RIT2: variants seen among roughly 807,000 people sequenced by gnomAD.
The protein encoded by RIT2 is Ras like without CAAX 2, also known as GTP-binding protein Rit2.
Under a neutral mutation model 23.7 loss-of-function variants are expected in RIT2, and 24 were observed. The ratio of observed to expected loss-of-function variants is 1.01; its 90% CI spans 0.73 to 1.43. The LOEUF is 1.43. Ranked by LOEUF, RIT2 falls within the 40% of genes most tolerant of loss-of-function variation. RIT2 has a pLI of 0.00. For synonymous variants in RIT2, 107 were observed against 91.1 expected, an observed-to-expected ratio of 1.17 and a Z score of -0.99; for missense variants, 236 against 266.9, an observed-to-expected ratio of 0.88 and a Z score of 0.81.
chr18:42,915,599 A>T lies in RIT2; in HGVS notation c.426+7973T>A, dbSNP rs1397581430. Among the ~76,000 whole-genome samples, 3 of 152,058 alleles carry T rather than the reference A, an allele frequency of 2.0e-5. No homozygotes were observed. The East Asian group carries it at 5.8e-4, about 29-fold the overall frequency. On this transcript the variant is annotated intron_variant, in intron 4 of 4. Coordinates refer to ENST00000326695, the MANE Select transcript of RIT2 (RefSeq NM_002930.4). ...TCAGTGTAAGACAATTTAAATAAAG[A>T]GGGAAAGCAAACAGTTACAATGTCA... is the stretch of plus-strand genomic sequence containing the variant.
intron 4 of RIT2, among the ~76,000 whole-genome samples, chr18:42,872,127 A>G (rs1907636045): frequency 6.6e-6 from 1 of 152,202 alleles, no homozygotes; most frequent in Non-Finnish European, 1.5e-5. Flanking sequence ...AAAAAAAATC[A>G]AAAAGGATTT....
chr18:43,068,506 A>G (rs901865115), intron 1 of RIT2, among the ~76,000 whole-genome samples: 6 of 152,258 alleles, frequency 3.9e-5, no homozygotes, highest in Admixed American at 1.3e-4. Flanking sequence ...CCTATGAGTG[A>G]CATAGAAATC....
chr18:42,877,959 G>A (rs866454492), intron 4 of RIT2, among the ~76,000 whole-genome samples: 4 of 151,528 alleles, frequency 2.6e-5, no homozygotes, highest in Admixed American at 6.6e-5. Context: ...TTTAGACTTC[G>A]GTCTCATTCC....
chr18:43,017,785 A>G (rs1371902629), intron 2 of RIT2, among the ~76,000 whole-genome samples: 2 of 151,992 alleles, frequency 1.3e-5, no homozygotes, highest in African/African-American at 4.8e-5. Flanking sequence ...GTAGAAATGT[A>G]GTTATCTTCC....
chr18:43,098,579 T>G (rs185194522), intron 1 of RIT2, among the ~76,000 whole-genome samples: 5 of 152,088 alleles, frequency 3.3e-5, no homozygotes, highest in Non-Finnish European at 5.9e-5. Flanking sequence ...AGAATAGGGT[T>G]TTTTGTAACG....
intron 4 of RIT2, among the ~76,000 whole-genome samples, chr18:42,807,604 C>G (rs1422137216): frequency 6.6e-6 from 1 of 151,884 alleles, no homozygotes; most frequent in Non-Finnish European, 1.5e-5. Flanking sequence ...GTGGCAAGAG[C>G]GAAACTCCGT....
In RIT2 at chr18:42,945,300, G is replaced by A. The variant is rs373409066; in HGVS notation, c.235-21537C>T. ...TTACATAAGAGTCTTTCTGCAAAGG[G>A]CAATTACATTCTACAAATATGCATA... is the stretch of plus-strand genomic sequence containing the variant. On this transcript the variant is annotated intron_variant, in intron 3 of 4. Transcript: ENST00000326695. Among the ~76,000 whole-genome samples, 5 of 150,414 alleles carry A rather than the reference G, an allele frequency of 3.3e-5. No individual in the cohort carries two copies. The East Asian group carries it at 7.8e-4, about 24-fold the overall frequency.
chr18:42,981,177 C>T (rs200896453), intron 2 of RIT2, among the ~76,000 whole-genome samples: 4 of 152,162 alleles, frequency 2.6e-5, no homozygotes, highest in East Asian at 3.9e-4. Context: ...AATCTTTCCT[C>T]CCCAGCACCT....
chr18:42,957,439 A>G (rs996528941), intron 3 of RIT2, among the ~76,000 whole-genome samples: 2 of 152,168 alleles, frequency 1.3e-5, no homozygotes, highest in African/African-American at 4.8e-5. Context: ...ATTTCAAATT[A>G]CTCAACTTGG....
chr18:42,831,180 AGTTCTT>A (rs1418613305), intron 4 of RIT2, among the ~76,000 whole-genome samples: 1 of 152,196 alleles, frequency 6.6e-6, no homozygotes, highest in African/African-American at 2.4e-5. Flanking sequence ...CTTGATAGTT[AGTTCTT>A]TTCTTTGTGT....
intron 2 of RIT2, among the ~76,000 whole-genome samples, chr18:43,009,674 C>T (rs1288531567): frequency 6.6e-6 from 1 of 151,660 alleles, no homozygotes; most frequent in Admixed American, 6.6e-5. Context: ...TTTAACCAGA[C>T]TAAATCTTAT....
chr18:42,906,739 A>C (rs1205380419), intron 4 of RIT2, among the ~76,000 whole-genome samples: 1 of 152,228 alleles, frequency 6.6e-6, no homozygotes, highest in African/African-American at 2.4e-5. Context: ...CTGCCTTTCA[A>C]AACCTGTCTT....
chr18:43,092,113 C>A (rs1913436505), intron 1 of RIT2, among the ~76,000 whole-genome samples: 1 of 152,086 alleles, frequency 6.6e-6, no homozygotes, highest in Non-Finnish European at 1.5e-5. Flanking sequence ...TACTTTCCAA[C>A]ATACCGGGAC....
At chr18:43,078,114 A>T (rs1327763569) in intron 1 of RIT2, among the ~76,000 whole-genome samples, 2 of 152,310 alleles carry the variant, frequency 1.3e-5, no homozygotes, top group Middle Eastern at 3.4e-3. Context: ...ATTGCAAACC[A>T]TGGACAGCTA....
chr18:43,004,401 G>T (rs915895497), intron 2 of RIT2, among the ~76,000 whole-genome samples: 2 of 151,738 alleles, frequency 1.3e-5, no homozygotes, highest in Non-Finnish European at 2.9e-5. Flanking sequence ...ATAATCCTTA[G>T]CTTACATAAA....
chr18:43,018,628 T>C (rs1004456574), intron 2 of RIT2, among the ~76,000 whole-genome samples: 2 of 151,786 alleles, frequency 1.3e-5, no homozygotes, highest in African/African-American at 4.8e-5. Context: ...ATATTTAAAG[T>C]GCTGAAAGAA....
chr18:42,881,079 T>C (rs1038336228), intron 4 of RIT2, among the ~76,000 whole-genome samples: 2 of 152,166 alleles, frequency 1.3e-5, no homozygotes, highest in Non-Finnish European at 2.9e-5. Context: ...GTGCTGGGAT[T>C]ACAGGCGTGA....
chr18:43,082,925 A>T (rs1913192197), intron 1 of RIT2, among the ~76,000 whole-genome samples: 1 of 152,196 alleles, frequency 6.6e-6, no homozygotes, highest in African/African-American at 2.4e-5. Flanking sequence ...AGATAGGAAG[A>T]GAGGAAGTCA....
At chr18:43,104,796 T>C (rs1913769834) in intron 1 of RIT2, among the ~76,000 whole-genome samples, 1 of 152,154 alleles carries the variant, frequency 6.6e-6, no homozygotes, top group Non-Finnish European at 1.5e-5. Context: ...TGCTACCAAA[T>C]AAAGAGCCTG....
Sources: allele counts gnomAD v4.1 joint callset (sites outside exome capture counted in the v4.1 genomes callset), GRCh38; gene constraint gnomAD v4.1.1; transcripts MANE v1.5; gene names NCBI Gene and HGNC (gene_info 2026-07-23, HGNC 2026-07-21).